Variants in ZSCAN31 observed in about 807,000 individuals in gnomAD.
The protein encoded by ZSCAN31 is zinc finger and SCAN domain-containing protein 31.
Under a neutral mutation model 22.5 loss-of-function variants are expected in ZSCAN31, and 14 were observed. The ratio of observed to expected loss-of-function variants is 0.62; its 90% confidence interval spans 0.41 to 0.97. The LOEUF (loss-of-function observed/expected upper bound fraction) is 0.97, where lower values mean the gene tolerates loss of function less well. ZSCAN31 is among the 50% of genes least tolerant of loss of function. The pLI is 0.00. For missense variants in ZSCAN31, 424 were observed against 483.4 expected (o/e 0.88, Z 1.15); for synonymous variants, 168 against 169.8 (o/e 0.99, Z 0.08).
chr6:28,352,862 A>G (rs1445677998), intron 2 of ZSCAN31, among the ~76,000 whole-genome samples: 1 of 152,094 alleles, frequency 6.6e-6, no homozygotes, highest in Admixed American at 6.5e-5. Context: ...TTTGAACTGT[A>G]GAGAGTTGGA....
rs141182096 is a variant in ZSCAN31, at chr6:28,327,078, G to A, written c.533-224C>T. ...GGGAGCACCCAGAGGCTCCCAGTGAGGATGTACATAAGCAGGCACTATATT... is the reference window on the plus strand; with the variant it reads ...GGGAGCACCCAGAGGCTCCCAGTGAAGATGTACATAAGCAGGCACTATATT... On this transcript the variant is annotated intron_variant, in intron 3 of 3. Transcript: ENST00000344279. 2.0e-3 allele frequency among the ~76,000 whole-genome samples: 307 copies of A among 152,258 alleles called. 2 individuals carry two copies. Among genetic ancestry groups the A allele is most frequent in the African/African-American group, 6.6e-3 (275 of 41,546 alleles).
chr6:28,340,865 T>G (rs1442287424), upstream of ZSCAN31, among the ~76,000 whole-genome samples: 1 of 152,150 alleles, frequency 6.6e-6, no homozygotes, highest in East Asian at 1.9e-4. Flanking sequence ...TCACTTCCCT[T>G]CAGACTGAAG....
Position 28,325,957 on chromosome 6 carries a change from A to C in ZSCAN31, c.*209T>G. 2 of 486,466 alleles carry C rather than the reference A, an allele frequency of 4.1e-6. No individual in the cohort carries two copies. The highest frequency in any genetic ancestry group is 7.3e-5 in the South Asian group (2 of 27,544). The allele number at this position is 486,466 out of a possible 1,614,324, so 30.1% of individuals were successfully genotyped here. The stretch of plus-strand genomic sequence containing the variant: ...AGTCATCCACACAGGAGACACCAAC[A>C]CCTGGTTTGTAGACAAGTGGTTCAA... On this transcript the variant is annotated 3_prime_UTR_variant, in exon 4 of 4. Coordinates refer to ENST00000344279, the MANE Select transcript of ZSCAN31 (RefSeq NM_030899.5).
upstream of ZSCAN31, among the ~76,000 whole-genome samples, chr6:28,337,499 A>G (rs746009664): frequency 5.9e-5 from 9 of 152,206 alleles, no homozygotes; most frequent in Non-Finnish European, 1.0e-4. Context: ...GGCAGTAGCA[A>G]TAGAAATAGA....
In ZSCAN31 at chr6:28,327,402, G is replaced by A. The variant is rs2113786549; in HGVS notation, c.513C>T (p.Leu171=). 1 of 1,614,024 alleles carries A rather than the reference G, an allele frequency of 6.2e-7. No individual in the cohort carries two copies. Among genetic ancestry groups the A allele is most frequent in the East Asian group, 2.2e-5 (1 of 44,864 alleles). ...CCTTACCTTGTTCTTGAAATTGGTGGAGGCAAAAAGATTCATATCTGAGCT... is the reference window on the plus strand; with the variant it reads ...CCTTACCTTGTTCTTGAAATTGGTGAAGGCAAAAAGATTCATATCTGAGCT... ...VTQLRYESFC[L]HQFQEQDGES... The change falls in exon 3 of 4, where the codon CTC becomes CTT. Residue 171 remains leucine, a synonymous_variant. Coordinates refer to ENST00000344279, the MANE Select transcript of ZSCAN31 (RefSeq NM_030899.5).
intron 2 of ZSCAN31, among the ~76,000 whole-genome samples, chr6:28,344,636 G>A (rs1387800791): frequency 1.3e-5 from 2 of 152,200 alleles, no homozygotes; most frequent in Non-Finnish European, 2.9e-5. Flanking sequence ...ACTAAAGGCT[G>A]AAAATGGATG....
In ZSCAN31 at chr6:28,349,730, T is replaced by C. The variant is rs1334029581; in HGVS notation, c.-371+4132A>G. Among the ~76,000 whole-genome samples the C allele has an allele frequency of 6.6e-6, 1 of 152,240 alleles. No individual in the cohort carries two copies. Among genetic ancestry groups the C allele is most frequent in the African/African-American group, 2.4e-5 (1 of 41,464 alleles). ...ACGCACACATAATTTAGATTCTTTT[T>C]ACTCTCTTCTATTCGCAAATATAGC... On this transcript the variant is annotated intron_variant, in intron 2 of 7. Transcript: ENST00000396838. This position sits in a 1 kb window ranked among gnomAD's most constrained non-coding sequence, Gnocchi z 4.1.
chr6:28,343,526 CT>C lies in ZSCAN31; in HGVS notation c.-370-1735del, dbSNP rs111580657. ...TGCTATATGCTGCATATTTTCTTTT[CT>C]TTTTTTTTTTCTTTCTTTTTTTTTT... On this transcript the variant is annotated intron_variant, in intron 2 of 7. Coordinates refer to the ZSCAN31 transcript ENST00000396838. Among the ~76,000 whole-genome samples, 577 of 135,576 alleles carry C rather than the reference CT, an allele frequency of 4.3e-3. 1 individual carries two copies. The highest frequency in any genetic ancestry group is 3.9e-3 in the Middle Eastern group (1 of 258). 88.9% of individuals were successfully genotyped at this position (135,576 alleles called of 152,430 possible). A position where few individuals can be genotyped will look rare whatever the true frequency, so the allele number is the denominator to read the frequency against.
rs1763897789 is a variant in ZSCAN31, at chr6:28,333,258, G to T, written c.-96+2824C>A. Among the ~76,000 whole-genome samples the T allele has an allele frequency of 6.6e-6, 1 of 152,136 alleles. No homozygotes were observed. The highest frequency in any genetic ancestry group is 2.4e-5 in the African/African-American group (1 of 41,422). On this transcript the variant is annotated intron_variant, in intron 1 of 3. Coordinates refer to ENST00000344279, the MANE Select transcript of ZSCAN31 (RefSeq NM_030899.5). The surrounding 1 kb of genome is among the most constrained non-coding windows in gnomAD (Gnocchi z 4.1). ...TTTATCAGCAACTAAGGCCCAGGAG[G>T]CAAGGGACAAGGAGAGACTCATTAC...
Position 28,326,180 on chromosome 6 carries a change from C to T in ZSCAN31, c.1207G>A (p.Gly403Arg). The change falls in exon 4 of 4, where the codon GGA (glycine) becomes AGA (arginine). Residue 403 changes from glycine to arginine, a missense_variant. Coordinates refer to ENST00000344279, the MANE Select transcript of ZSCAN31 (RefSeq NM_030899.5). ...LLKKHQKIHT[G>R]ERP ...ACTCATCACCCTTATGGTCTCTCTC[C>T]AGTGTGGATTTTCTGATGTTTCTTA... The T allele has an allele frequency of 1.2e-6, 2 of 1,610,130 alleles. No individual in the cohort carries two copies. The highest frequency in any genetic ancestry group is 1.7e-6 in the Non-Finnish European group (2 of 1,177,330).
chr6:28,335,708 C>G (rs1764109711), intron 1 of ZSCAN31: 1 of 152,278 alleles, frequency 6.6e-6, no homozygotes, highest in Non-Finnish European at 1.5e-5. Flanking sequence ...CGCATTCCCT[C>G]TCCTTTCCAG....
intron 2 of ZSCAN31, among the ~76,000 whole-genome samples, chr6:28,342,105 A>G (rs1286582561): frequency 2.0e-5 from 3 of 152,220 alleles, no homozygotes; most frequent in Non-Finnish European, 4.4e-5. Context: ...CTGACACCAT[A>G]TAAAGAGTCT....
chr6:28,330,930 C>T (rs1023041857), intron 1 of ZSCAN31, among the ~76,000 whole-genome samples: 1 of 151,992 alleles, frequency 6.6e-6, no homozygotes, highest in Non-Finnish European at 1.5e-5. Context: ...GGAAGGTATC[C>T]GGCATCATAA....
At chr6:28,332,404 A>G (rs1316926741) in intron 1 of ZSCAN31, 1 of 152,260 alleles carries the variant, frequency 6.6e-6, no homozygotes, top group African/African-American at 2.4e-5. Flanking sequence ...CTGACAAATT[A>G]AATGGAATAA....
Position 28,326,700 on chromosome 6 carries a change from C to T in ZSCAN31, c.687G>A (p.Gln229=). 6.2e-7 allele frequency: 1 copy of T among 1,614,184 alleles called. No individual in the cohort carries two copies. The highest frequency in any genetic ancestry group is 8.5e-7 in the Non-Finnish European group (1 of 1,180,038). ...TCKRDSKAEK[Q]QAHSTGERRH... ...GTCTCTCTCCAGTGGAATGTGCCTG[C>T]TGCTTTTCTGCCTTGCTGTCTCGTT... is the stretch of plus-strand genomic sequence containing the variant. Residue 229 remains glutamine (Q), a synonymous_variant, in exon 4 of 4, where the codon CAG becomes CAA. Coordinates refer to ENST00000344279, the MANE Select transcript of ZSCAN31 (RefSeq NM_030899.5).
upstream of ZSCAN31, among the ~76,000 whole-genome samples, chr6:28,340,190 T>C (rs1764359457): frequency 6.6e-6 from 1 of 152,250 alleles, no homozygotes; most frequent in Non-Finnish European, 1.5e-5. Flanking sequence ...GGAAATAATA[T>C]TGTATCACTT....
upstream of ZSCAN31, among the ~76,000 whole-genome samples, chr6:28,354,507 C>T (rs541141231): frequency 2.7e-4 from 41 of 152,266 alleles, no homozygotes; most frequent in Admixed American, 7.8e-4. Flanking sequence ...CTGATACACA[C>T]AGGCTTGACA....
chr6:28,343,542 C>CTTTT (rs34131321), intron 2 of ZSCAN31, among the ~76,000 whole-genome samples: 263 of 105,820 alleles, frequency 2.5e-3, no homozygotes, highest in Non-Finnish European at 3.8e-3. Flanking sequence ...TTTTTTCTTT[C>CTTTT]TTTTTTTTTT....
chr6:28,353,991 T>A (rs1765244341), intron 1 of ZSCAN31: 1 of 454,398 alleles, frequency 2.2e-6, no homozygotes, highest in South Asian at 1.6e-5. Context: ...CAGCAGCAGC[T>A]GCTGCAGCTC....
Sources: allele counts gnomAD v4.1 joint callset (sites outside exome capture counted in the v4.1 genomes callset), GRCh38; gene constraint gnomAD v4.1.1; non-coding constraint Gnocchi (gnomAD v3.1); transcripts MANE v1.5; gene names NCBI Gene and HGNC (gene_info 2026-07-23, HGNC 2026-07-21).